The following RIMS2 variants were observed in gnomAD, a reference collection of about 807,000 sequenced individuals.
The protein encoded by RIMS2 is regulating synaptic membrane exocytosis 2.
A neutral mutation model predicts 174.4 loss-of-function variants in RIMS2; 59 were observed. That is an observed-to-expected ratio of 0.34 (90% CI 0.27 to 0.42). The LOEUF (loss-of-function observed/expected upper bound fraction) is 0.42. Among genes scored for constraint, RIMS2 ranks in the 10% least tolerant of loss-of-function variants. The pLI is 1.00. For missense variants in RIMS2, 1,620 were observed against 1,666.3 expected (o/e 0.97, Z 0.48); for synonymous variants, 606 against 572.5 (o/e 1.06, Z -0.84).
At chr8:103,706,443 A>G (rs1337534739) in intron 2 of RIMS2, among the ~76,000 whole-genome samples, 1 of 152,058 alleles carries the variant, frequency 6.6e-6, no homozygotes, top group Non-Finnish European at 1.5e-5. Flanking sequence ...TTTTTTTAAA[A>G]AAAAATTGAT....
At chr8:104,157,636 AG>A (rs1456380605) in intron 19 of RIMS2, among the ~76,000 whole-genome samples, 1 of 152,174 alleles carries the variant, frequency 6.6e-6, no homozygotes, top group East Asian at 1.9e-4. Flanking sequence ...TCTACTCATC[AG>A]AATTTGCTTC....
chr8:103,606,167 T>C (rs916757256), intron 1 of RIMS2, among the ~76,000 whole-genome samples: 6 of 145,116 alleles, frequency 4.1e-5, no homozygotes, highest in African/African-American at 1.5e-4. Flanking sequence ...TACACACTGC[T>C]TTGAATGCGT....
intron 1 of RIMS2, among the ~76,000 whole-genome samples, chr8:103,513,248 A>G (rs1393204803): frequency 6.6e-6 from 1 of 152,148 alleles, no homozygotes; most frequent in Non-Finnish European, 1.5e-5. Context: ...ATTTATGGTT[A>G]GTCTTGGATA....
At chr8:104,237,433 A>G (rs2099264399) in intron 19 of RIMS2, among the ~76,000 whole-genome samples, 2 of 152,184 alleles carry the variant, frequency 1.3e-5, no homozygotes. Context: ...AGTGAGTCAT[A>G]CATACATCAG....
intron 19 of RIMS2, among the ~76,000 whole-genome samples, chr8:104,202,287 A>G (rs1008479943): frequency 5.3e-5 from 8 of 152,330 alleles, no homozygotes; most frequent in Non-Finnish European, 1.0e-4. Flanking sequence ...TTCACTTTAC[A>G]GCTGAATTTT....
intron 4 of RIMS2, among the ~76,000 whole-genome samples, chr8:103,907,994 C>A (rs530128054): frequency 6.6e-6 from 1 of 151,492 alleles, no homozygotes; most frequent in Admixed American, 6.6e-5. Context: ...GAGATCCGCC[C>A]GCCTCGGCCT....
intron 14 of RIMS2, among the ~76,000 whole-genome samples, chr8:103,952,066 T>C (rs1039120912): frequency 6.6e-6 from 1 of 152,054 alleles, no homozygotes; most frequent in African/African-American, 2.4e-5. Flanking sequence ...CCCTCCTCCC[T>C]GGGAAGGGCA....
At chr8:103,727,122 A>AT (rs545345911) in intron 2 of RIMS2, among the ~76,000 whole-genome samples, 11 of 151,942 alleles carry the variant, frequency 7.2e-5, no homozygotes, top group African/African-American at 1.7e-4. Flanking sequence ...AAGGATATAG[A>AT]TTTTTTTGTG....
At chr8:104,068,542 A>T in intron 19 of RIMS2, 1 of 1,564,954 alleles carries the variant, frequency 6.4e-7, no homozygotes, top group Non-Finnish European at 8.6e-7. Context: ...AGAAATCGCC[A>T]AATGAAAATT....
intron 1 of RIMS2, among the ~76,000 whole-genome samples, chr8:103,572,949 A>T (rs1436097475): frequency 2.0e-5 from 3 of 152,108 alleles, no homozygotes; most frequent in Admixed American, 6.6e-5. Context: ...CATTTGCTTT[A>T]GAGGTCGTAG....
At chr8:103,956,522 T>G (rs961930069) in intron 14 of RIMS2, among the ~76,000 whole-genome samples, 1 of 152,146 alleles carries the variant, frequency 6.6e-6, no homozygotes, top group East Asian at 1.9e-4. Context: ...ATATAATAAA[T>G]AGTGTTCAGA....
At chr8:104,078,579 G>A (rs2097345557) in intron 19 of RIMS2, among the ~76,000 whole-genome samples, 1 of 152,162 alleles carries the variant, frequency 6.6e-6, no homozygotes, top group Non-Finnish European at 1.5e-5. Flanking sequence ...GTCAAGTACA[G>A]TCACATTCTG....
At chr8:103,601,234 T>A (rs879407259) in intron 1 of RIMS2, among the ~76,000 whole-genome samples, 1 of 152,198 alleles carries the variant, frequency 6.6e-6, no homozygotes, top group Non-Finnish European at 1.5e-5. Context: ...ATTTGTCCAT[T>A]TTTGCTTTGG....
rs1384164297 is a variant in RIMS2 at position 103,583,039 on chromosome 8, C to T, written c.176+81977C>T. On this transcript the variant is annotated intron_variant, in intron 1 of 23. Coordinates refer to ENST00000504942, the Ensembl canonical transcript of RIMS2. Reference sequence around the variant, plus strand: ...CCAGCGCAGTCATAGTGGTGGTGGCCACAGGGGTGATTGTGTCACTCCACC... The same window carrying T: ...CCAGCGCAGTCATAGTGGTGGTGGCTACAGGGGTGATTGTGTCACTCCACC... Among the ~76,000 whole-genome samples the T allele has an allele frequency of 3.9e-5, 6 of 152,190 alleles. No homozygotes were observed. The South Asian group carries it at 6.2e-4, about 16-fold the overall frequency.
intron 1 of RIMS2, among the ~76,000 whole-genome samples, chr8:103,608,535 C>CG (rs1554676332): frequency 7.7e-6 from 1 of 130,330 alleles, no homozygotes; most frequent in East Asian, 1.9e-4. Context: ...TCGAGCTTCC[C>CG]GCTGCTTTGT....
At chr8:103,964,150 T>G (rs765132280) in intron 15 of RIMS2, among the ~76,000 whole-genome samples, 51 of 152,252 alleles carry the variant, frequency 3.3e-4, no homozygotes, top group Admixed American at 5.2e-4. Flanking sequence ...TGCAGGTTTT[T>G]GTGTGGACAT....
chr8:104,183,888 A>C (rs979880520), intron 19 of RIMS2, among the ~76,000 whole-genome samples: 2 of 151,616 alleles, frequency 1.3e-5, no homozygotes, highest in Non-Finnish European at 3.0e-5. Context: ...TAAATTCTGG[A>C]CTAGAGTTTA....
At chr8:103,701,893 G>A (rs1361266784) in intron 2 of RIMS2, among the ~76,000 whole-genome samples, 1 of 152,078 alleles carries the variant, frequency 6.6e-6, no homozygotes, top group Non-Finnish European at 1.5e-5. Flanking sequence ...TCAATAAACA[G>A]AGTAATACAG....
intron 4 of RIMS2, among the ~76,000 whole-genome samples, chr8:103,900,635 TATG>T (rs1201141534): frequency 1.3e-5 from 2 of 152,140 alleles, no homozygotes; most frequent in East Asian, 3.9e-4. Context: ...AAAGTGGGGT[TATG>T]ATGATACTGG....
Sources: allele counts gnomAD v4.1 joint callset (sites outside exome capture counted in the v4.1 genomes callset), GRCh38; gene constraint gnomAD v4.1.1; transcripts MANE v1.5; gene names NCBI Gene and HGNC (gene_info 2026-07-23, HGNC 2026-07-21).